The following SPON1 variants were observed in gnomAD, a reference collection of about 807,000 sequenced individuals.
SPON1 encodes spondin-1.
Under a neutral mutation model 111.7 loss-of-function variants are expected in SPON1, and 52 were observed. That is an observed-to-expected ratio of 0.47 (90% confidence interval 0.37 to 0.59). The LOEUF is 0.59. Ranked by LOEUF, SPON1 falls within the 20% of genes least tolerant of loss-of-function variation. The pLI is 0.00. For synonymous variants in SPON1, 410 were observed against 395.8 expected, an observed-to-expected ratio of 1.04 and a Z score of -0.43; for missense variants, 957 against 1,068.5, an observed-to-expected ratio of 0.90 and a Z score of 1.46.
chr11:14,181,410 CAT>C (rs2133887418), intron 6 of SPON1, among the ~76,000 whole-genome samples: 1 of 152,316 alleles, frequency 6.6e-6, no homozygotes, highest in Admixed American at 6.5e-5. Flanking sequence ...AGGCAGCATC[CAT>C]CCATTTTCTC....
At chr11:14,147,402 G>T (rs775763654) in intron 6 of SPON1, among the ~76,000 whole-genome samples, 10 of 151,630 alleles carry the variant, frequency 6.6e-5, no homozygotes, top group African/African-American at 1.5e-4. Context: ...ATCATAAAAG[G>T]TTAATGAAGT....
At chr11:14,156,264 A>T (rs1847844857) in intron 6 of SPON1, among the ~76,000 whole-genome samples, 2 of 146,004 alleles carry the variant, frequency 1.4e-5, no homozygotes, top group Admixed American at 7.0e-5. Flanking sequence ...CATTTTTTTC[A>T]TGTGTTTTTT....
intron 6 of SPON1, among the ~76,000 whole-genome samples, chr11:14,235,678 C>CAAAAAAAAAAAAA (rs56925967): frequency 1.5e-4 from 11 of 71,388 alleles, no homozygotes; most frequent in South Asian, 1.3e-3. Flanking sequence ...GACCCTGCCT[C>CAAAAAAAAAAAAA]AAAAAAAAAA....
At chr11:14,238,760 C>T (rs1452989311) in intron 6 of SPON1, among the ~76,000 whole-genome samples, 3 of 152,094 alleles carry the variant, frequency 2.0e-5, no homozygotes, top group Non-Finnish European at 4.4e-5. Flanking sequence ...CTGTTGTATC[C>T]CCACAATATG....
At chr11:14,187,835 T>C (rs543270804) in intron 6 of SPON1, among the ~76,000 whole-genome samples, 53 of 151,226 alleles carry the variant, frequency 3.5e-4, no homozygotes, top group Middle Eastern at 3.5e-3. Flanking sequence ...GCCTGGAGTG[T>C]AATGGCGCAA....
intron 15 of SPON1, among the ~76,000 whole-genome samples, chr11:14,263,898 G>T (rs559342167): frequency 1.3e-5 from 2 of 151,822 alleles, no homozygotes; most frequent in Admixed American, 6.6e-5. Context: ...GCATGGTGGC[G>T]CACACCTGTA....
chr11:14,057,992 G>C (rs1554919439), intron 3 of SPON1, among the ~76,000 whole-genome samples: 1 of 152,082 alleles, frequency 6.6e-6, no homozygotes, highest in Non-Finnish European at 1.5e-5. Context: ...ACTCCAGTCT[G>C]GGGGACAGAG....
At chr11:14,097,532 T>G (rs1271822155) in intron 5 of SPON1, among the ~76,000 whole-genome samples, 1 of 152,222 alleles carries the variant, frequency 6.6e-6, no homozygotes, top group East Asian at 1.9e-4. Flanking sequence ...GCTCTCGTTA[T>G]TCCCATTTAT....
chr11:14,120,130 C>G (rs1328948043), intron 5 of SPON1, among the ~76,000 whole-genome samples: 1 of 152,124 alleles, frequency 6.6e-6, no homozygotes, highest in Non-Finnish European at 1.5e-5. Flanking sequence ...GTCATTTAAT[C>G]TGTCTGTGCT....
At chr11:14,035,704 A>C (rs749773168) in intron 2 of SPON1, among the ~76,000 whole-genome samples, 26 of 151,528 alleles carry the variant, frequency 1.7e-4, no homozygotes, top group Non-Finnish European at 2.5e-4. Flanking sequence ...TGTAGCCTCA[A>C]CTTCCTGAGT....
In SPON1 at chr11:14,126,299, C is replaced by T. The variant is rs1182684169; in HGVS notation, c.677-9121C>T. On this transcript the variant is annotated intron_variant, in intron 5 of 15. Coordinates refer to ENST00000576479, the MANE Select transcript of SPON1 (RefSeq NM_006108.4). ...CACCTCAGAGAATCTATCTACCATG[C>T]ACCCTGTCTCCTTCAACACTAGATA... is the stretch of plus-strand genomic sequence containing the variant. Among the ~76,000 whole-genome samples, 3 of 152,200 alleles carry T rather than the reference C, an allele frequency of 2.0e-5. No homozygotes were observed. In the East Asian group the frequency reaches 5.8e-4, roughly 29 times the overall value.
At chr11:14,172,669 C>T (rs1848120446) in intron 6 of SPON1, among the ~76,000 whole-genome samples, 2 of 151,748 alleles carry the variant, frequency 1.3e-5, no homozygotes, top group African/African-American at 4.8e-5. Flanking sequence ...CCTTCAGGAG[C>T]TCTTTTAGGG....
intron 6 of SPON1, among the ~76,000 whole-genome samples, chr11:14,152,195 G>A (rs1554929972): frequency 6.6e-6 from 1 of 152,214 alleles, no homozygotes; most frequent in Admixed American, 6.5e-5. Flanking sequence ...GTTGAATTGA[G>A]TTGAATGCTT....
intron 6 of SPON1, among the ~76,000 whole-genome samples, chr11:14,231,973 G>A (rs548590851): frequency 1.3e-5 from 1 of 75,096 alleles, no homozygotes; most frequent in Non-Finnish European, 2.8e-5. Flanking sequence ...CTCCTACGCC[G>A]TGTGTGTGTG....
intron 2 of SPON1, among the ~76,000 whole-genome samples, chr11:14,011,521 C>G (rs1471567721): frequency 6.6e-6 from 1 of 152,076 alleles, no homozygotes; most frequent in Non-Finnish European, 1.5e-5. Flanking sequence ...GAGTGGATTC[C>G]TACTGCAGCC....
chr11:14,152,130 C>T (rs1427110306), intron 6 of SPON1, among the ~76,000 whole-genome samples: 1 of 152,196 alleles, frequency 6.6e-6, no homozygotes, highest in Non-Finnish European at 1.5e-5. Context: ...GGAATCACCC[C>T]TCCATCTCCC....
intron 5 of SPON1, among the ~76,000 whole-genome samples, chr11:14,131,469 A>G (rs544284825): frequency 6.6e-6 from 1 of 152,068 alleles, no homozygotes; most frequent in Non-Finnish European, 1.5e-5. Context: ...CCGGCAAACT[A>G]TCCCCTTTTC....
intron 5 of SPON1, among the ~76,000 whole-genome samples, chr11:14,098,033 T>C (rs1391950099): frequency 1.3e-5 from 2 of 152,222 alleles, no homozygotes; most frequent in East Asian, 3.9e-4. Flanking sequence ...TCTCGCTCTG[T>C]CGCCCAGGCT....
At chr11:14,100,923 A>G (rs1245183091) in intron 5 of SPON1, among the ~76,000 whole-genome samples, 1 of 152,160 alleles carries the variant, frequency 6.6e-6, no homozygotes, top group Admixed American at 6.6e-5. Context: ...GTGTCCTTCT[A>G]TCCAGCTGCT....
Sources: gnomAD v4.1 joint callset for allele counts (sites outside exome capture counted in the v4.1 genomes callset) on GRCh38, gnomAD v4.1.1 for gene constraint, MANE v1.5 for transcripts, NCBI Gene and HGNC (gene_info 2026-07-23, HGNC 2026-07-21) for gene names.